Variants in UNC5A observed in about 807,000 individuals in gnomAD.
UNC5A encodes the protein unc-5 netrin receptor A, also known as netrin receptor UNC5A.
In UNC5A, 20 loss-of-function variants were observed where a neutral mutation model predicts 87.4. The observed-to-expected ratio is 0.23, with a 90% CI of 0.16 to 0.33. UNC5A has a LOEUF of 0.33. UNC5A is among the 10% of genes least tolerant of loss of function. The pLI is 1.00. For missense variants in UNC5A, 844 were observed against 1,133.4 expected (o/e 0.74, Z 3.67); for synonymous variants, 438 against 482.3 (o/e 0.91, Z 1.20).
Position 176,869,530 on chromosome 5 carries a change from C to T in UNC5A, c.721+566C>T, listed in dbSNP as rs1035553150. 2.0e-5 allele frequency: 13 copies of T among 641,974 alleles called. No individual in the cohort carries two copies. Among genetic ancestry groups the T allele is most frequent in the African/African-American group, 1.8e-4 (10 of 55,712 alleles). The allele number at this position is 641,974 out of a possible 1,614,324, so 39.8% of individuals were successfully genotyped here. A position where few individuals can be genotyped will look rare whatever the true frequency, so the allele number is the denominator to read the frequency against. ...CCCACCCGTGTCCAGCTCACAGCCCCTCTGCCCTCACGCCCCGTCCCCTGG... is the reference window on the plus strand; with the variant it reads ...CCCACCCGTGTCCAGCTCACAGCCCTTCTGCCCTCACGCCCCGTCCCCTGG... On this transcript the variant is annotated intron_variant, in intron 5 of 14. Transcript: ENST00000329542. The surrounding 1 kb of genome is among the most constrained non-coding windows in gnomAD (Gnocchi z 9.1).
rs1756804319 is a variant in UNC5A at position 176,824,451 on chromosome 5, G to A, written c.70+13631G>A. On this transcript the variant is annotated intron_variant, in intron 1 of 14. Coordinates refer to ENST00000329542, the MANE Select transcript of UNC5A (RefSeq NM_133369.3). The surrounding 1 kb of genome is among the most constrained non-coding windows in gnomAD (Gnocchi z 4.2). The stretch of plus-strand genomic sequence containing the variant: ...TCCTGCACCTGAAAGGGGCCTGACC[G>A]AGGATCTTAGGAGAAAGATGATGAT... Among the ~76,000 whole-genome samples the A allele has an allele frequency of 6.6e-6, 1 of 152,128 alleles. No homozygotes were observed. The highest frequency in any genetic ancestry group is 2.4e-5 in the African/African-American group (1 of 41,428).
At position 176,850,969 on chromosome 5, in the gene UNC5A, C is replaced by T. The variant is rs372132244; in HGVS notation, c.71-11655C>T. Among the ~76,000 whole-genome samples, 92 of 150,076 alleles carry T rather than the reference C, an allele frequency of 6.1e-4. 1 individual carries two copies. In the East Asian group the frequency reaches 0.014, roughly 23 times the overall value. ...GGACTTTCCAGTGCTCCCAGGACTT[C>T]CCAGTGCTCCCAGGACTTCCCAGTG... On this transcript the variant is annotated intron_variant, in intron 1 of 14. Transcript: ENST00000329542.
chr5:176,864,843 T>G, intron 2 of UNC5A: 1 of 455,994 alleles, frequency 2.2e-6, no homozygotes, highest in South Asian at 1.5e-5. Context: ...TGGCGGCCAA[T>G]GTAGCCCAAC....
intron 1 of UNC5A, among the ~76,000 whole-genome samples, chr5:176,859,160 A>AATG (rs1326347980): frequency 3.4e-4 from 33 of 95,956 alleles, no homozygotes; most frequent in African/African-American, 1.7e-3. Context: ...TAGCTGCTAC[A>AATG]ATGTCCTTGC....
rs1191317463 is a variant in UNC5A at position 176,841,752 on chromosome 5, A to T, written c.71-20872A>T. 5.3e-5 allele frequency among the ~76,000 whole-genome samples: 8 copies of T among 152,226 alleles called. No individual in the cohort carries two copies. Among genetic ancestry groups the T allele is most frequent in the Admixed American group, 5.2e-4 (8 of 15,284 alleles). On this transcript the variant is annotated intron_variant, in intron 1 of 14. Transcript: ENST00000329542. The surrounding 1 kb of genome is among the most constrained non-coding windows in gnomAD (Gnocchi z 4.1). ...ACCTGTCTGTGAAAGCTCTTAGCAG[A>T]TTTACTGAAAATCATCAAAATCTCA...
intron 1 of UNC5A, among the ~76,000 whole-genome samples, chr5:176,822,942 G>A (rs1756764035): frequency 6.6e-6 from 1 of 152,176 alleles, no homozygotes; most frequent in South Asian, 2.1e-4. Flanking sequence ...GAGCTGGGGA[G>A]TGACAGGCAG....
chr5:176,825,678 G>A (rs1331603815), intron 1 of UNC5A, among the ~76,000 whole-genome samples: 1 of 152,216 alleles, frequency 6.6e-6, no homozygotes, highest in Non-Finnish European at 1.5e-5. Context: ...GCTCAGAGGT[G>A]AGTGACGTGC....
rs1758086827 is a variant in UNC5A, at chr5:176,870,651, C to G, written c.886+117C>G. ...TGCCAAAGGCTGTAGCCTCTCCAGG[C>G]TCAGGACCCACTGAGATCCCCCTCA... On this transcript the variant is annotated intron_variant, in intron 6 of 14. Coordinates refer to ENST00000329542, the MANE Select transcript of UNC5A (RefSeq NM_133369.3). The G allele has an allele frequency of 4.9e-6, 6 of 1,214,642 alleles. No homozygotes were observed. In the South Asian group the frequency reaches 9.5e-5, roughly 19 times the overall value. The allele number at this position is 1,214,642 out of a possible 1,614,324, so 75.2% of individuals were successfully genotyped here.
intron 1 of UNC5A, among the ~76,000 whole-genome samples, chr5:176,816,079 C>G (rs1285422898): frequency 6.6e-6 from 1 of 152,234 alleles, no homozygotes; most frequent in East Asian, 1.9e-4. Flanking sequence ...TTTAACCTCT[C>G]TGGGCTGTTT....
Position 176,869,868 on chromosome 5 carries a change from A to G in UNC5A, c.722-502A>G. 1.8e-6 allele frequency: 1 copy of G among 571,058 alleles called. No individual in the cohort carries two copies. Among genetic ancestry groups the G allele is most frequent in the Non-Finnish European group, 3.1e-6 (1 of 318,722 alleles). 35.4% of individuals were successfully genotyped at this position (571,058 alleles called of 1,614,324 possible). Reference sequence around the variant, plus strand: ...ATCGCGCCCACCAGCCTGCCCCCCCATGGCTCCATCCCACCCACCCGCCAC... The same window carrying G: ...ATCGCGCCCACCAGCCTGCCCCCCCGTGGCTCCATCCCACCCACCCGCCAC... On this transcript the variant is annotated intron_variant, in intron 5 of 14. Transcript: ENST00000329542. This position sits in a 1 kb window ranked among gnomAD's most constrained non-coding sequence, Gnocchi z 9.1.
intron 2 of UNC5A, 84 bp downstream of exon 2, chr5:176,862,929 G>C: frequency 6.6e-6 from 10 of 1,526,006 alleles, no homozygotes; most frequent in Non-Finnish European, 8.9e-6. Flanking sequence ...CTGCCCCCAG[G>C]ATTCCCCACC....
intron 1 of UNC5A, among the ~76,000 whole-genome samples, chr5:176,814,947 A>G (rs1756552305): frequency 2.0e-5 from 3 of 152,166 alleles, no homozygotes; most frequent in African/African-American, 4.8e-5. Context: ...GCTCCAGGGA[A>G]GCTGGAAACG....
At chr5:176,834,662 G>A (rs1211126049) in intron 1 of UNC5A, among the ~76,000 whole-genome samples, 4 of 51,450 alleles carry the variant, frequency 7.8e-5, no homozygotes, top group Non-Finnish European at 1.8e-4. Context: ...CCCACGTCCC[G>A]TCTTCTCTCT....
chr5:176,869,006 G>C lies in UNC5A; in HGVS notation c.721+42G>C, dbSNP rs1758044474. 6.4e-7 allele frequency: 1 copy of C among 1,555,218 alleles called. No individual in the cohort carries two copies. The highest frequency in any genetic ancestry group is 8.7e-7 in the Non-Finnish European group (1 of 1,149,768). ...CCTGGTCACAGGGAGAGGCACTGCG[G>C]TGCCCCTGGGCAGTGACATGTGGCT... is the stretch of plus-strand genomic sequence containing the variant. On this transcript the variant is annotated intron_variant, in intron 5 of 14. Transcript: ENST00000329542. This position sits in a 1 kb window ranked among gnomAD's most constrained non-coding sequence, Gnocchi z 9.1.
chr5:176,869,074 A>G lies in UNC5A; in HGVS notation c.721+110A>G. On this transcript the variant is annotated intron_variant, in intron 5 of 14. Coordinates refer to ENST00000329542, the MANE Select transcript of UNC5A (RefSeq NM_133369.3). This position sits in a 1 kb window ranked among gnomAD's most constrained non-coding sequence, Gnocchi z 9.1. ...CCATGAGGCCAAAGCCAGGTGGACC[A>G]GATCGTGCCTGACTAGGCAGGATAA... The G allele has an allele frequency of 7.9e-7, 1 of 1,259,488 alleles. No homozygotes were observed. Among genetic ancestry groups the G allele is most frequent in the South Asian group, 1.5e-5 (1 of 66,102 alleles). 78.0% of individuals were successfully genotyped at this position (1,259,488 alleles called of 1,614,324 possible). A position where few individuals can be genotyped will look rare whatever the true frequency, so the allele number is the denominator to read the frequency against.
At position 176,874,011 on chromosome 5, in the gene UNC5A, C is replaced by A. The variant is rs367587241; in HGVS notation, c.930C>A (p.Ile310=). The change falls in exon 7 of 15, where the codon ATC becomes ATA. Residue 310 remains isoleucine (I), a synonymous_variant. Transcript: ENST00000329542. This position sits in a 1 kb window ranked among gnomAD's most constrained non-coding sequence, Gnocchi z 7.6. The part of the protein sequence containing the change: ...PEDVALYVGL[I]AVAVCLVLLL... ...ACGTGGCCCTCTATGTGGGCCTCAT[C>A]GCCGTGGCCGTCTGCCTGGTCCTGC... The A allele has an allele frequency of 3.1e-6, 5 of 1,613,848 alleles. No individual in the cohort carries two copies. Among genetic ancestry groups the A allele is most frequent in the Admixed American group, 1.7e-5 (1 of 59,988 alleles).
chr5:176,874,417 T>C lies in UNC5A; in HGVS notation c.1229T>C (p.Leu410Pro). Residue 410 changes from leucine to proline, a missense_variant, in exon 8 of 15, where the codon CTG becomes CCG. Coordinates refer to ENST00000329542, the MANE Select transcript of UNC5A (RefSeq NM_133369.3). This position sits in a 1 kb window ranked among gnomAD's most constrained non-coding sequence, Gnocchi z 7.6. ...CCCCTGGGTGGCGGCCGCCACACACTGCACCACAGCTCTCCCACCTCTGAG... is the reference window on the plus strand; with the variant it reads ...CCCCTGGGTGGCGGCCGCCACACACCGCACCACAGCTCTCCCACCTCTGAG... ...LSPLGGGRHT[L>P]HHSSPTSEAE... The C allele has an allele frequency of 1.2e-6, 2 of 1,613,506 alleles. No individual in the cohort carries two copies. The highest frequency in any genetic ancestry group is 8.5e-7 in the Non-Finnish European group (1 of 1,179,910).
At chr5:176,840,270 G>A (rs1425336188) in intron 1 of UNC5A, among the ~76,000 whole-genome samples, 2 of 152,316 alleles carry the variant, frequency 1.3e-5, no homozygotes, top group Admixed American at 1.3e-4. Flanking sequence ...GGGCCTGAGG[G>A]AGAGGAGACT....
At chr5:176,829,817 T>C (rs1214749834) in intron 1 of UNC5A, among the ~76,000 whole-genome samples, 1 of 151,534 alleles carries the variant, frequency 6.6e-6, no homozygotes, top group East Asian at 1.9e-4. Flanking sequence ...AAGTACAAGT[T>C]CATTACCACG....
Sources: allele counts gnomAD v4.1 joint callset (sites outside exome capture counted in the v4.1 genomes callset), GRCh38; gene constraint gnomAD v4.1.1; non-coding constraint Gnocchi (gnomAD v3.1); transcripts MANE v1.5; gene names NCBI Gene and HGNC (gene_info 2026-07-23, HGNC 2026-07-21).